EML4: variants seen among roughly 807,000 people sequenced by gnomAD.
The protein encoded by EML4 is EMAP like 4, also known as echinoderm microtubule-associated protein-like 4.
EML4 carries 72 observed loss-of-function variants against 129.0 expected under a neutral mutation model. That is an observed-to-expected ratio of 0.56 (90% CI 0.46 to 0.68). The LOEUF (loss-of-function observed/expected upper bound fraction) is 0.68, where lower values mean the gene tolerates loss of function less well. Ranked by LOEUF, EML4 falls within the 30% of genes least tolerant of loss-of-function variation. The probability of loss-of-function intolerance (pLI) is 0.00; values close to 1 mark genes in which losing one functional copy is unlikely to be tolerated. For missense variants in EML4, 1,363 were observed against 1,190.6 expected, an observed-to-expected ratio of 1.14 and a Z score of -2.13; for synonymous variants, 532 against 405.0, an observed-to-expected ratio of 1.31 and a Z score of -3.77.
At chr2:42,187,211 T>C (rs1386959938) in intron 1 of EML4, among the ~76,000 whole-genome samples, 3 of 148,348 alleles carry the variant, frequency 2.0e-5, no homozygotes, top group African/African-American at 4.9e-5. Flanking sequence ...GCCCGGCTAA[T>C]TTTTTTTTTT....
intron 8 of EML4, among the ~76,000 whole-genome samples, chr2:42,283,384 G>T (rs972080480): frequency 1.3e-5 from 2 of 152,168 alleles, no homozygotes; most frequent in African/African-American, 4.8e-5. Context: ...TGGGAAGAAA[G>T]AAATCTAGCT....
chr2:42,251,296 C>A (rs1675751152), intron 2 of EML4, among the ~76,000 whole-genome samples: 1 of 152,214 alleles, frequency 6.6e-6, no homozygotes. Flanking sequence ...GTATTAGAAT[C>A]TTCTTGGACC....
chr2:42,316,754 T>C (rs916305174), intron 18 of EML4, among the ~76,000 whole-genome samples: 5 of 152,246 alleles, frequency 3.3e-5, no homozygotes, highest in Non-Finnish European at 5.9e-5. Flanking sequence ...GAGAATCTTT[T>C]TGATTGCTTC....
At chr2:42,232,182 C>T (rs752097609) in intron 1 of EML4, among the ~76,000 whole-genome samples, 6 of 151,894 alleles carry the variant, frequency 4.0e-5, no homozygotes, top group Non-Finnish European at 7.4e-5. Flanking sequence ...AATTAGATTT[C>T]GATTTGAGAA....
chr2:42,219,639 T>G (rs1354507911), intron 1 of EML4, among the ~76,000 whole-genome samples: 1 of 152,176 alleles, frequency 6.6e-6, no homozygotes, highest in Non-Finnish European at 1.5e-5. Flanking sequence ...CCTTTCTGGC[T>G]GGGTGCAGTG....
chr2:42,302,919 A>G (rs148299751), intron 14 of EML4, among the ~76,000 whole-genome samples, 185 bp from the exon 15 acceptor site: 2 of 152,352 alleles, frequency 1.3e-5, no homozygotes, highest in African/African-American at 2.4e-5. Context: ...GTTGATAATT[A>G]TTATAACTTC....
intron 1 of EML4, among the ~76,000 whole-genome samples, chr2:42,179,079 C>A (rs1403679526): frequency 1.3e-5 from 2 of 152,038 alleles, no homozygotes; most frequent in African/African-American, 4.8e-5. Flanking sequence ...TCAGACAACA[C>A]CTTGTGTGCA....
chr2:42,311,557 A>G (rs1668952425), intron 17 of EML4, among the ~76,000 whole-genome samples: 1 of 152,120 alleles, frequency 6.6e-6, no homozygotes, highest in Non-Finnish European at 1.5e-5. Flanking sequence ...AAAAAATGGT[A>G]ATAATTTTTA....
chr2:42,280,744 A>G (rs1666957767), intron 6 of EML4, 106 bp from the exon 7 acceptor site: 1 of 813,114 alleles, frequency 1.2e-6, no homozygotes, highest in South Asian at 2.0e-5. Flanking sequence ...TAAAACTTTG[A>G]AGTAGTCATT....
At chr2:42,311,611 C>A (rs1390393574) in intron 17 of EML4, among the ~76,000 whole-genome samples, 2 of 152,110 alleles carry the variant, frequency 1.3e-5, no homozygotes, top group Non-Finnish European at 2.9e-5. Flanking sequence ...TCATTAAAAA[C>A]TCACCTGATA....
At chr2:42,298,713 T>G (rs944770860) in intron 13 of EML4, among the ~76,000 whole-genome samples, 2 of 152,180 alleles carry the variant, frequency 1.3e-5, no homozygotes, top group African/African-American at 4.8e-5. Context: ...TTTCCAGTTT[T>G]CCATCATTCT....
chr2:42,228,517 A>T (rs914423508), intron 1 of EML4, among the ~76,000 whole-genome samples: 1 of 152,350 alleles, frequency 6.6e-6, no homozygotes, highest in East Asian at 1.9e-4. Flanking sequence ...CATTTGGAAT[A>T]TAGCTGTAGT....
chr2:42,252,541 T>C (rs1353920783), intron 2 of EML4, among the ~76,000 whole-genome samples: 1 of 152,198 alleles, frequency 6.6e-6, no homozygotes, highest in East Asian at 1.9e-4. Flanking sequence ...CTTTATTCTT[T>C]ATAGATAAAG....
chr2:42,290,387 G>A (rs1029364173), intron 11 of EML4, among the ~76,000 whole-genome samples: 6 of 151,892 alleles, frequency 4.0e-5, no homozygotes, highest in African/African-American at 1.2e-4. Context: ...CAGATGACCC[G>A]AGCTTGTGGG....
intron 19 of EML4, among the ~76,000 whole-genome samples, chr2:42,324,187 C>T (rs533783072): frequency 2.0e-5 from 3 of 151,842 alleles, no homozygotes; most frequent in Non-Finnish European, 4.4e-5. Context: ...CCCAGCTACT[C>T]AGGAGGCTGA....
At position 42,324,116 on chromosome 2, in the gene EML4, G is replaced by T. The variant is rs1317267895; in HGVS notation, c.2155-1351G>T. On this transcript the variant is annotated intron_variant, in intron 19 of 22. Transcript: ENST00000318522. ...TCGAGACCAGCCTGGCCAACACAGG[G>T]AAACCCCGTCTGTACTAAAAATAGA... Among the ~76,000 whole-genome samples the T allele has an allele frequency of 2.0e-5, 3 of 151,412 alleles. No homozygotes were observed. In the East Asian group the frequency reaches 5.8e-4, roughly 29 times the overall value.
chr2:42,257,225 G>T (rs1283335741), intron 3 of EML4, among the ~76,000 whole-genome samples: 3 of 152,022 alleles, frequency 2.0e-5, no homozygotes, highest in Non-Finnish European at 4.4e-5. Flanking sequence ...CTTTTCATCA[G>T]TTAACTAATT....
At chr2:42,208,919 T>G (rs1232944891) in intron 1 of EML4, among the ~76,000 whole-genome samples, 1 of 152,066 alleles carries the variant, frequency 6.6e-6, no homozygotes, top group African/African-American at 2.4e-5. Flanking sequence ...ACTTCAGAAG[T>G]CCCTATAGGT....
At chr2:42,326,108 T>C (rs766898682) in intron 20 of EML4, 46 bp from the exon 21 acceptor site, 3 of 1,605,802 alleles carry the variant, frequency 1.9e-6, no homozygotes, top group South Asian at 1.1e-5. Flanking sequence ...TCAAATACAT[T>C]TGTACACAAG....
Sources: gnomAD v4.1 joint callset for allele counts (sites outside exome capture counted in the v4.1 genomes callset) on GRCh38, gnomAD v4.1.1 for gene constraint, MANE v1.5 for transcripts, NCBI Gene and HGNC (gene_info 2026-07-23, HGNC 2026-07-21) for gene names.